The following TAF6 variants were observed in gnomAD, a reference collection of about 807,000 sequenced individuals.
The protein encoded by TAF6 is TATA-box binding protein associated factor 6, also known as transcription initiation factor TFIID subunit 6.
Under a neutral mutation model 73.5 loss-of-function variants are expected in TAF6, and 50 were observed. That is an observed-to-expected ratio of 0.68 (90% CI 0.54 to 0.86). The LOEUF (loss-of-function observed/expected upper bound fraction) is 0.86. Among genes scored for constraint, TAF6 ranks in the 40% least tolerant of loss-of-function variants. The pLI is 0.00. For missense variants in TAF6, 768 were observed against 899.5 expected (o/e 0.85, Z 1.87); for synonymous variants, 424 against 376.7 (o/e 1.13, Z -1.45).
intron 3 of TAF6, 36 bp downstream of exon 3, chr7:100,113,832 C>T (rs752059738): frequency 7.0e-6 from 11 of 1,578,972 alleles, no homozygotes; most frequent in South Asian, 5.6e-5. Flanking sequence ...TGAAGGATGG[C>T]GTCTCACCCC....
intron 10 of TAF6, among the ~76,000 whole-genome samples, chr7:100,110,926 C>T (rs1797125236): frequency 6.9e-6 from 1 of 145,268 alleles, no homozygotes; most frequent in African/African-American, 2.6e-5. Flanking sequence ...AGGGTGCGGT[C>T]AGCAGAGATT....
rs1277807447 is a variant in TAF6 at position 100,107,201 on chromosome 7, T to C, written c.*45A>G. On this transcript the variant is annotated 3_prime_UTR_variant, in exon 15 of 15. Transcript: ENST00000453269. ...ATGCATGTGTGTACGTGCACGTGTG[T>C]ACATGTCTGCATGTGTGGGAATCCG... The C allele has an allele frequency of 2.6e-6, 4 of 1,519,856 alleles. No individual in the cohort carries two copies. In the Admixed American group the frequency reaches 6.7e-5, roughly 25 times the overall value. The allele number at this position is 1,519,856 out of a possible 1,614,324, so 94.1% of individuals were successfully genotyped here.
chr7:100,121,108 A>ATTT (rs1562938218), upstream of TAF6: 10 of 17,878 alleles, frequency 5.6e-4, no homozygotes, highest in African/African-American at 8.9e-4. Flanking sequence ...ATATATATAT[A>ATTT]TATATATATT....
chr7:100,118,552 G>A (rs1446619414), intron 1 of TAF6: 1 of 151,996 alleles, frequency 6.6e-6, no homozygotes, highest in Admixed American at 6.6e-5. Flanking sequence ...AGCTACTTAG[G>A]AGGCTGAGGC....
At chr7:100,122,630 T>A, upstream of TAF6, 1 of 1,533,476 alleles carries the variant, frequency 6.5e-7, no homozygotes. Context: ...AAGATCTGTA[T>A]CCCCTGAGGC....
intron 3 of TAF6, 26 bp downstream of exon 3, chr7:100,113,842 C>T (rs778838811): frequency 2.0e-5 from 33 of 1,610,982 alleles, no homozygotes; most frequent in East Asian, 8.9e-5. Flanking sequence ...CGTCTCACCC[C>T]CCCCCCGCCT....
chr7:100,121,117 T>TATATATATATATATA (rs1491228284), upstream of TAF6: 17 of 35,132 alleles, frequency 4.8e-4, no homozygotes, highest in African/African-American at 1.4e-3. Flanking sequence ...TATATATATA[T>TATATATATATATATA]TTTTTTTTTT....
upstream of TAF6, chr7:100,121,116 A>ATATACATATATTTT (rs1584585316): frequency 1.9e-5 from 1 of 52,800 alleles, no homozygotes; most frequent in Non-Finnish European, 3.2e-5. Flanking sequence ...ATATATATAT[A>ATATACATATATTTT]TTTTTTTTTT....
chr7:100,107,379 G>A lies in TAF6; in HGVS notation c.1901C>T (p.Ser634Phe). 6.3e-7 allele frequency: 1 copy of A among 1,591,350 alleles called. No homozygotes were observed. The highest frequency in any genetic ancestry group is 8.6e-7 in the Non-Finnish European group (1 of 1,166,210). The change falls in exon 15 of 15, where the codon TCC becomes TTC. Residue 634 changes from serine (S) to phenylalanine (F), a missense_variant. By Grantham distance (155) the Ser-to-Phe change is radical. Coordinates refer to ENST00000453269, the MANE Select transcript of TAF6 (RefSeq NM_139315.3). ...GGCACTGCCGCTGAGTGGGGACGGGGACGATGCCGGGGGAGGAACTGGAGA... is the reference window on the plus strand; with the variant it reads ...GGCACTGCCGCTGAGTGGGGACGGGAACGATGCCGGGGGAGGAACTGGAGA... ...HPSPVPPPAS[S>F]PSPLSGSALC...
At chr7:100,122,787 CAG>C (rs778790366), upstream of TAF6, 3 of 1,612,880 alleles carry the variant, frequency 1.9e-6, no homozygotes, top group Non-Finnish European at 1.7e-6. Flanking sequence ...CTCTCAGGGT[CAG>C]AGTCAGACCA....
intron 1 of TAF6, among the ~76,000 whole-genome samples, chr7:100,114,973 C>T (rs968882471): frequency 6.6e-6 from 1 of 152,122 alleles, no homozygotes; most frequent in African/African-American, 2.4e-5. Context: ...CCTCACACCT[C>T]AGCCTCCCAA....
chr7:100,108,168 A>T (rs1384792500), intron 13 of TAF6, 45 bp from the exon 14 acceptor site: 1 of 1,550,480 alleles, frequency 6.4e-7, no homozygotes, highest in Non-Finnish European at 8.7e-7. Context: ...ATCTACTAAG[A>T]AGAGGAGTCT....
In TAF6 at chr7:100,113,868, C is replaced by T. The variant is rs1286526678; in HGVS notation, c.243G>A (p.Glu81=). The T allele has an allele frequency of 1.9e-6, 3 of 1,613,858 alleles. No homozygotes were observed. Among genetic ancestry groups the T allele is most frequent in the Admixed American group, 1.7e-5 (1 of 59,966 alleles). ...IDYALKLKNV[E]PLYGFHAQEF... is the part of the protein sequence containing the mutation. ...CCCCCCGCCTGTCTCCCCAAATCACCTCGACATTCTTTAGCTTCAAGGCGT... is the reference window on the plus strand; with the variant it reads ...CCCCCCGCCTGTCTCCCCAAATCACTTCGACATTCTTTAGCTTCAAGGCGT... The change falls in exon 3 of 15, where the codon GAG becomes GAA. Residue 81 remains glutamate, a splice_region_variant and synonymous_variant. Coordinates refer to ENST00000453269, the MANE Select transcript of TAF6 (RefSeq NM_139315.3).
upstream of TAF6, chr7:100,119,812 T>C (rs1231711239): frequency 2.5e-6 from 4 of 1,614,060 alleles, no homozygotes; most frequent in Non-Finnish European, 3.4e-6. Flanking sequence ...TGGGCTGGGA[T>C]GTTGAAGGAG....
At chr7:100,119,630 C>A (rs549631549), upstream of TAF6, 26 of 1,595,970 alleles carry the variant, frequency 1.6e-5, no homozygotes, top group African/African-American at 3.5e-4. Context: ...GCGCATGCGC[C>A]GACCTTCCTC....
At chr7:100,112,084 A>G (rs1797235834) in intron 7 of TAF6, 24 bp downstream of exon 7, 1 of 1,613,566 alleles carries the variant, frequency 6.2e-7, no homozygotes, top group Admixed American at 1.7e-5. Context: ...TCTCAGGGCC[A>G]GGGCAAGCTG....
rs772025154 is a variant in TAF6, at chr7:100,107,639, A to G, written c.1657-16T>C. On this transcript the variant is annotated splice_polypyrimidine_tract_variant and intron_variant, in intron 14 of 14. Transcript: ENST00000453269. ...GGGACAGGACCTGGATAGAAAGGAA[A>G]GGCAGGCCGCTTGCCCTGTGCCCTC... is the stretch of plus-strand genomic sequence containing the variant. The G allele has an allele frequency of 1.2e-5, 20 of 1,608,414 alleles. No individual in the cohort carries two copies. Among genetic ancestry groups the G allele is most frequent in the Non-Finnish European group, 1.7e-5 (20 of 1,178,204 alleles).
rs373378029 is a variant in TAF6, at chr7:100,108,552, AAAAAAAGCCAGGTAGAGGGAGGGCTGGGG to A, written c.1285-41_1285-13del. The A allele has an allele frequency of 2.3e-4, 371 of 1,582,460 alleles. 1 individual carries two copies. The African/African-American group carries it at 3.5e-3, about 15-fold the overall frequency. On this transcript the variant is annotated splice_polypyrimidine_tract_variant and intron_variant, in intron 12 of 14. Coordinates refer to ENST00000453269, the MANE Select transcript of TAF6 (RefSeq NM_139315.3). ...GGAGCACAGTGTTTCTGCAGAACAG[AAAAAAAGCCAGGTAGAGGGAGGGCTGGGG>A]AAAAAAGCCAGGTAGAGGGAGGGCT...
At chr7:100,107,806 G>T in intron 14 of TAF6, 120 bp downstream of exon 14, 1 of 1,391,980 alleles carries the variant, frequency 7.2e-7, no homozygotes, top group Non-Finnish European at 9.6e-7. Flanking sequence ...CCTGGTGGGC[G>T]CCTCTTCCAG....
Sources: allele counts gnomAD v4.1 joint callset (sites outside exome capture counted in the v4.1 genomes callset), GRCh38; gene constraint gnomAD v4.1.1; transcripts MANE v1.5; gene names NCBI Gene and HGNC (gene_info 2026-07-23, HGNC 2026-07-21).